Variants in DCDC2C observed in about 807,000 individuals in gnomAD.
The protein encoded by DCDC2C is doublecortin domain-containing protein 2C.
In DCDC2C, 44 loss-of-function variants were observed where a neutral mutation model predicts 45.0. The observed-to-expected ratio is 0.98, with a 90% CI of 0.77 to 1.26. The LOEUF is 1.26. DCDC2C is among the 50% of genes most tolerant of loss of function. The probability of loss-of-function intolerance (pLI) is 0.00; values close to 1 mark genes in which losing one functional copy is unlikely to be tolerated. For synonymous variants in DCDC2C, 187 were observed against 178.8 expected, an observed-to-expected ratio of 1.05 and a Z score of -0.37; for missense variants, 447 against 468.9, an observed-to-expected ratio of 0.95 and a Z score of 0.43.
intron 8 of DCDC2C, among the ~76,000 whole-genome samples, chr2:3,769,897 G>A (rs74498775): frequency 0.1 from 15,398 of 152,248 alleles, 1,062 homozygotes; most frequent in East Asian, 0.3. Flanking sequence ...TGGGGATGCT[G>A]CCTCTGTGCA....
At chr2:3,742,295 TG>T (rs1198768018) in intron 4 of DCDC2C, among the ~76,000 whole-genome samples, 1 of 152,124 alleles carries the variant, frequency 6.6e-6, no homozygotes, top group Non-Finnish European at 1.5e-5. Flanking sequence ...AATACAGCAT[TG>T]CAAAAAAGAG....
At chr2:3,725,207 T>C (rs1336486442) in intron 2 of DCDC2C, among the ~76,000 whole-genome samples, 1 of 152,112 alleles carries the variant, frequency 6.6e-6, no homozygotes, top group Non-Finnish European at 1.5e-5. Flanking sequence ...GCGGGGGCGA[T>C]GATCGATTCT....
chr2:3,835,122 C>T (rs183936857), intron 10 of DCDC2C, among the ~76,000 whole-genome samples: 1 of 152,332 alleles, frequency 6.6e-6, no homozygotes. Context: ...TGCTTCTCCA[C>T]TTGCCATGTA....
chr2:3,747,006 A>C (rs1213333942), intron 4 of DCDC2C, among the ~76,000 whole-genome samples: 1 of 152,158 alleles, frequency 6.6e-6, no homozygotes, highest in Non-Finnish European at 1.5e-5. Context: ...GCCTGGCTGT[A>C]GTGAAACTTT....
At chr2:3,767,263 T>A (rs758273000) in intron 6 of DCDC2C, among the ~76,000 whole-genome samples, 4 of 152,218 alleles carry the variant, frequency 2.6e-5, no homozygotes, top group Non-Finnish European at 1.5e-5. Context: ...AACATGTGAG[T>A]TCTCCCTTAT....
intron 10 of DCDC2C, among the ~76,000 whole-genome samples, chr2:3,832,718 A>G (rs1671979915): frequency 6.6e-6 from 1 of 152,168 alleles, no homozygotes; most frequent in African/African-American, 2.4e-5. Context: ...ATTTATTTAA[A>G]TGCCTCTGAT....
intron 6 of DCDC2C, among the ~76,000 whole-genome samples, chr2:3,765,102 T>C (rs1029670076): frequency 6.6e-6 from 1 of 152,178 alleles, no homozygotes; most frequent in Admixed American, 6.5e-5. Context: ...ATAGTTCAGA[T>C]AAAATATGTA....
intron 2 of DCDC2C, among the ~76,000 whole-genome samples, chr2:3,721,139 T>C (rs1257033517): frequency 6.6e-6 from 1 of 152,220 alleles, no homozygotes; most frequent in Non-Finnish European, 1.5e-5. Flanking sequence ...ATTTTTCCTA[T>C]ATGTCCCTCT....
intron 10 of DCDC2C, among the ~76,000 whole-genome samples, chr2:3,807,858 C>T (rs898564018): frequency 2.0e-5 from 3 of 152,110 alleles, no homozygotes. Flanking sequence ...CACTGTGGTT[C>T]GTGGGAGGTT....
At position 3,772,899 on chromosome 2, in the gene DCDC2C, G is replaced by T. The variant is rs560761382; in HGVS notation, c.954+3488G>T. On this transcript the variant is annotated intron_variant, in intron 8 of 10. Transcript: ENST00000399143. ...CTAGCTGTTTTGAAAGCTCATTCTT[G>T]TAGCACAAACTTGACACGGAGACTC... Among the ~76,000 whole-genome samples the T allele has an allele frequency of 1.2e-4, 18 of 152,280 alleles. No homozygotes were observed. The South Asian group carries it at 1.9e-3, about 16-fold the overall frequency.
intron 1 of DCDC2C, among the ~76,000 whole-genome samples, chr2:3,708,131 C>A (rs1425779169): frequency 4.7e-5 from 7 of 150,106 alleles, no homozygotes; most frequent in South Asian, 2.1e-4. Flanking sequence ...CAGGAGGGAG[C>A]GGTGGGGGTG....
chr2:3,704,973 A>T (rs1668027563), intron 1 of DCDC2C, among the ~76,000 whole-genome samples: 1 of 151,974 alleles, frequency 6.6e-6, no homozygotes, highest in South Asian at 2.1e-4. Flanking sequence ...TTGTAGGTTT[A>T]CTTATTTTTT....
At chr2:3,760,784 A>G (rs1215410948) in intron 6 of DCDC2C, among the ~76,000 whole-genome samples, 1 of 152,010 alleles carries the variant, frequency 6.6e-6, no homozygotes, top group Non-Finnish European at 1.5e-5. Flanking sequence ...ACCATGGCAC[A>G]TGTATACCCA....
intron 10 of DCDC2C, among the ~76,000 whole-genome samples, chr2:3,819,932 G>T (rs1039114095): frequency 1.3e-5 from 2 of 152,178 alleles, no homozygotes; most frequent in African/African-American, 4.8e-5. Flanking sequence ...GGCTGAGGAA[G>T]AATTGCAACC....
intron 2 of DCDC2C, among the ~76,000 whole-genome samples, chr2:3,718,642 G>A (rs938052430): frequency 1.3e-5 from 2 of 152,126 alleles, no homozygotes; most frequent in Non-Finnish European, 2.9e-5. Flanking sequence ...TGTTTTCATC[G>A]CCATGCAGTT....
At chr2:3,713,337 A>G (rs1668268477) in intron 2 of DCDC2C, among the ~76,000 whole-genome samples, 1 of 152,204 alleles carries the variant, frequency 6.6e-6, no homozygotes, top group Non-Finnish European at 1.5e-5. Context: ...CTCCCAGGGA[A>G]AACGCGGGGA....
At chr2:3,725,513 GT>G (rs1668631917) in intron 2 of DCDC2C, among the ~76,000 whole-genome samples, 1 of 89,174 alleles carries the variant, frequency 1.1e-5, no homozygotes, top group Admixed American at 1.3e-4. Context: ...AGGCTGCCCG[GT>G]GGATCCCAGA....
At chr2:3,836,836 T>C (rs1160687857) in intron 10 of DCDC2C, among the ~76,000 whole-genome samples, 8 of 135,020 alleles carry the variant, frequency 5.9e-5, no homozygotes, top group Non-Finnish European at 9.2e-5. Context: ...CACTCCAGCC[T>C]GGGCGACAGA....
At position 3,847,173 on chromosome 2, in the gene DCDC2C, C is replaced by CT; in HGVS notation, c.1086dup (p.Val363CysfsTer29). The CT allele has an allele frequency of 4.1e-6, 5 of 1,231,654 alleles. No individual in the cohort carries two copies. The highest frequency in any genetic ancestry group is 5.1e-6 in the Non-Finnish European group (5 of 987,936). The allele number at this position is 1,231,654 out of a possible 1,614,324, so 76.3% of individuals were successfully genotyped here. A position where few individuals can be genotyped will look rare whatever the true frequency, so the allele number is the denominator to read the frequency against. ...TTCCAGATGGCCCGGGAGTGGAAAC[C>CT]TGTAGATTAACAAAACCACCTTTAT... On this transcript the variant is annotated frameshift_variant, in exon 11 of 11. Transcript: ENST00000399143. LOFTEE classifies it high-confidence loss of function.
Sources: allele counts gnomAD v4.1 joint callset (sites outside exome capture counted in the v4.1 genomes callset), GRCh38; gene constraint gnomAD v4.1.1; transcripts MANE v1.5; gene names NCBI Gene and HGNC (gene_info 2026-07-23, HGNC 2026-07-21).